The following MYO3A variants were observed in gnomAD, a reference collection of about 807,000 sequenced individuals.
The protein encoded by MYO3A is myosin IIIA.
A neutral mutation model predicts 192.7 loss-of-function variants in MYO3A; 180 were observed. The observed-to-expected ratio is 0.93, with a 90% CI of 0.83 to 1.06. The LOEUF is 1.06. MYO3A is among the 50% of genes least tolerant of loss of function. MYO3A has a pLI of 0.00. For missense variants in MYO3A, 1,896 were observed against 1,905.0 expected (o/e 1.00, Z 0.09); for synonymous variants, 628 against 645.3 (o/e 0.97, Z 0.41).
intron 2 of MYO3A, among the ~76,000 whole-genome samples, chr10:25,940,062 G>A (rs1455629897): frequency 1.3e-5 from 2 of 151,932 alleles, no homozygotes; most frequent in African/African-American, 2.4e-5. Context: ...TACCATTATT[G>A]TACTTCCATT....
rs887900311 is a variant in MYO3A, at chr10:26,021,786, T to C, written c.731+138T>C. Reference sequence around the variant, plus strand: ...AGCAGAAGATCCTGGAATATTATTCTGCTTCTTCTGAGACATTGTATTTGT... The same window carrying C: ...AGCAGAAGATCCTGGAATATTATTCCGCTTCTTCTGAGACATTGTATTTGT... On this transcript the variant is annotated intron_variant, in intron 8 of 34. Transcript: ENST00000642920. 9 of 1,166,866 alleles carry C rather than the reference T, an allele frequency of 7.7e-6. No individual in the cohort carries two copies. The Admixed American group carries it at 1.1e-4, about 15-fold the overall frequency. 72.3% of individuals were successfully genotyped at this position (1,166,866 alleles called of 1,614,324 possible). A position where few individuals can be genotyped will look rare whatever the true frequency, so the allele number is the denominator to read the frequency against.
intron 32 of MYO3A, 77 bp from the exon 33 acceptor site, chr10:26,201,188 A>G: frequency 1.5e-6 from 1 of 655,436 alleles, no homozygotes; most frequent in Non-Finnish European, 2.3e-6. Context: ...GTATTTACAT[A>G]TTAAGATTAT....
chr10:26,103,954 C>A (rs1837630527), intron 17 of MYO3A, among the ~76,000 whole-genome samples: 1 of 152,014 alleles, frequency 6.6e-6, no homozygotes, highest in South Asian at 2.1e-4. Flanking sequence ...TGCTGAACTT[C>A]TTTTTCATGT....
At chr10:26,020,163 C>T (rs987298956) in intron 7 of MYO3A, among the ~76,000 whole-genome samples, 10 of 152,224 alleles carry the variant, frequency 6.6e-5, no homozygotes, top group African/African-American at 2.4e-4. Flanking sequence ...TCGCCATCCA[C>T]GCCAGAGCCA....
At chr10:26,011,164 C>T (rs1356174734) in intron 6 of MYO3A, among the ~76,000 whole-genome samples, 1 of 152,108 alleles carries the variant, frequency 6.6e-6, no homozygotes, top group Admixed American at 6.5e-5. Context: ...GGTAGTGGCT[C>T]ACACTTGTAA....
chr10:26,016,823 T>C lies in MYO3A; in HGVS notation c.512T>C (p.Val171Ala). Residue 171 changes from valine to alanine, a missense_variant, in exon 7 of 35, where the codon GTG becomes GCG. Physicochemically the swap from Val to Ala is moderately conservative, Grantham distance 64. Coordinates refer to ENST00000642920, the MANE Select transcript of MYO3A (RefSeq NM_017433.5). ...TACATCTTGTCTCTTCCTCTAGGTG[T>C]GTCTGCACAGCTCACCAGTACCCGG... ...EGGVKLVDFG[V>A]SAQLTSTRHR... is the part of the protein sequence containing the mutation. The C allele has an allele frequency of 6.2e-7, 1 of 1,614,160 alleles. No individual in the cohort carries two copies. The highest frequency in any genetic ancestry group is 8.5e-7 in the Non-Finnish European group (1 of 1,179,974).
At chr10:26,087,361 C>T (rs1836401222) in intron 14 of MYO3A, among the ~76,000 whole-genome samples, 3 of 152,132 alleles carry the variant, frequency 2.0e-5, no homozygotes, top group African/African-American at 4.8e-5. Flanking sequence ...AGTCTATGTT[C>T]CAGAAATAGC....
intron 4 of MYO3A, among the ~76,000 whole-genome samples, chr10:25,974,124 C>T (rs1838830383): frequency 6.6e-6 from 1 of 152,088 alleles, no homozygotes; most frequent in African/African-American, 2.4e-5. Flanking sequence ...TTCTGTACAG[C>T]AAAAGAAACT....
At chr10:25,947,906 G>A (rs1055824519) in intron 2 of MYO3A, among the ~76,000 whole-genome samples, 1 of 152,118 alleles carries the variant, frequency 6.6e-6, no homozygotes, top group African/African-American at 2.4e-5. Flanking sequence ...CTTACATTCT[G>A]GTAGTGGAGA....
At chr10:25,948,949 TTGTC>T (rs1837033152) in intron 2 of MYO3A, among the ~76,000 whole-genome samples, 1 of 152,094 alleles carries the variant, frequency 6.6e-6, no homozygotes, top group Admixed American at 6.5e-5. Context: ...CTTTAAATAT[TTGTC>T]TGATTGAGAA....
chr10:26,091,877 A>G (rs1431142214), intron 15 of MYO3A, among the ~76,000 whole-genome samples: 1 of 152,216 alleles, frequency 6.6e-6, no homozygotes, highest in Non-Finnish European at 1.5e-5. Context: ...TATTTGACAC[A>G]TATTTATTGA....
At chr10:26,114,215 G>A (rs1027284995) in intron 17 of MYO3A, among the ~76,000 whole-genome samples, 3 of 152,076 alleles carry the variant, frequency 2.0e-5, no homozygotes, top group South Asian at 2.1e-4. Flanking sequence ...ACTTTGTCCT[G>A]GTCCATGATG....
At chr10:25,996,804 A>G (rs1259001426) in intron 5 of MYO3A, among the ~76,000 whole-genome samples, 1 of 152,126 alleles carries the variant, frequency 6.6e-6, no homozygotes, top group Non-Finnish European at 1.5e-5. Context: ...CTGAATTCTG[A>G]CCTCTTAAGT....
chr10:26,067,817 C>A (rs1834946211), intron 11 of MYO3A, among the ~76,000 whole-genome samples: 2 of 150,568 alleles, frequency 1.3e-5, no homozygotes, highest in African/African-American at 4.9e-5. Context: ...GGACTTCTGT[C>A]CTGCCTGATG....
intron 34 of MYO3A, among the ~76,000 whole-genome samples, chr10:26,205,034 G>A (rs544877312): frequency 7.9e-5 from 12 of 152,312 alleles, no homozygotes; most frequent in African/African-American, 2.9e-4. Context: ...ATATCTTTTT[G>A]TGTATATACA....
chr10:26,037,908 C>T (rs1843125515), intron 10 of MYO3A, among the ~76,000 whole-genome samples: 1 of 152,168 alleles, frequency 6.6e-6, no homozygotes, highest in Non-Finnish European at 1.5e-5. Flanking sequence ...CAGTCACCTC[C>T]CACAGGGTCC....
chr10:26,036,185 C>A (rs550640824), intron 10 of MYO3A, among the ~76,000 whole-genome samples: 7 of 152,110 alleles, frequency 4.6e-5, no homozygotes, highest in Non-Finnish European at 4.4e-5. Context: ...GTGATCTGCC[C>A]GCCTCGACCT....
At chr10:26,082,749 TCTC>T (rs1836045064) in intron 14 of MYO3A, among the ~76,000 whole-genome samples, 1 of 120,170 alleles carries the variant, frequency 8.3e-6, no homozygotes, top group South Asian at 2.8e-4. Flanking sequence ...TTTCTCTCTC[TCTC>T]TTTTTCTCTC....
chr10:26,040,541 G>C (rs1452420653), intron 10 of MYO3A, among the ~76,000 whole-genome samples: 1 of 152,078 alleles, frequency 6.6e-6, no homozygotes, highest in Non-Finnish European at 1.5e-5. Flanking sequence ...GTTATCTTTT[G>C]TTTCCGAAGT....
Sources: allele counts gnomAD v4.1 joint callset (sites outside exome capture counted in the v4.1 genomes callset), GRCh38; gene constraint gnomAD v4.1.1; transcripts MANE v1.5; gene names NCBI Gene and HGNC (gene_info 2026-07-23, HGNC 2026-07-21).